FYB1: variants seen among roughly 807,000 people sequenced by gnomAD.
The protein encoded by FYB1 is FYN binding protein 1.
Under a neutral mutation model 94.1 loss-of-function variants are expected in FYB1, and 41 were observed. The ratio of observed to expected loss-of-function variants is 0.44; its 90% CI spans 0.34 to 0.57. The LOEUF is 0.57. Ranked by LOEUF, FYB1 falls within the 20% of genes least tolerant of loss-of-function variation. The pLI is 0.02. For synonymous variants in FYB1, 367 were observed against 353.2 expected (o/e 1.04, Z -0.44); for missense variants, 1,050 against 976.8 (o/e 1.07, Z -1.00).
chr5:39,214,012 G>C (rs1230589956), intron 1 of FYB1, among the ~76,000 whole-genome samples: 1 of 151,996 alleles, frequency 6.6e-6, no homozygotes, highest in Non-Finnish European at 1.5e-5. Context: ...AGTGAAAAAA[G>C]TGTTAACATC....
chr5:39,142,597 C>T (rs1742288617), intron 3 of FYB1, among the ~76,000 whole-genome samples: 1 of 152,172 alleles, frequency 6.6e-6, no homozygotes, highest in South Asian at 2.1e-4. Context: ...CAAGTTACTG[C>T]CATTCATAAG....
chr5:39,262,647 C>A (rs1489639298), intron 1 of FYB1, among the ~76,000 whole-genome samples: 1 of 152,062 alleles, frequency 6.6e-6, no homozygotes, highest in African/African-American at 2.4e-5. Flanking sequence ...TCATCTACCA[C>A]TGTTTGAAAT....
At chr5:39,184,018 T>C (rs769365215) in intron 2 of FYB1, among the ~76,000 whole-genome samples, 1 of 152,194 alleles carries the variant, frequency 6.6e-6, no homozygotes, top group Non-Finnish European at 1.5e-5. Context: ...TTTGAGATGA[T>C]AAAAATTTAT....
chr5:39,145,151 T>G (rs6877536), intron 3 of FYB1, among the ~76,000 whole-genome samples: 11,423 of 152,236 alleles, frequency 0.075, 1,382 homozygotes, highest in African/African-American at 0.25. Context: ...CTGCCTTTTA[T>G]ATGCTTAACA....
At chr5:39,248,289 G>T (rs1751571807) in intron 1 of FYB1, among the ~76,000 whole-genome samples, 1 of 152,140 alleles carries the variant, frequency 6.6e-6, no homozygotes, top group African/African-American at 2.4e-5. Flanking sequence ...TTTAGGGACT[G>T]GTTGGTGGAG....
At chr5:39,264,449 T>A (rs904297509) in intron 1 of FYB1, among the ~76,000 whole-genome samples, 5 of 152,220 alleles carry the variant, frequency 3.3e-5, no homozygotes, top group African/African-American at 1.2e-4. Context: ...TGTTTTGCTA[T>A]GGCAGCCCAA....
intron 18 of FYB1, among the ~76,000 whole-genome samples, chr5:39,107,922 C>T (rs1470944995): frequency 1.3e-5 from 2 of 151,856 alleles, no homozygotes; most frequent in African/African-American, 2.4e-5. Context: ...TATTTATTTG[C>T]CAAAAATGTT....
At chr5:39,261,796 T>C (rs2111638043) in intron 1 of FYB1, among the ~76,000 whole-genome samples, 1 of 152,246 alleles carries the variant, frequency 6.6e-6, no homozygotes, top group African/African-American at 2.4e-5. Context: ...TGGAATTTTA[T>C]GAACTATATT....
upstream of FYB1, among the ~76,000 whole-genome samples, chr5:39,222,843 T>G (rs907124760): frequency 6.6e-6 from 1 of 152,158 alleles, no homozygotes; most frequent in African/African-American, 2.4e-5. Flanking sequence ...ATTATTTGAT[T>G]ACAACAAGAT....
At chr5:39,246,705 T>C (rs746759010) in intron 1 of FYB1, among the ~76,000 whole-genome samples, 3 of 152,280 alleles carry the variant, frequency 2.0e-5, no homozygotes, top group African/African-American at 4.8e-5. Flanking sequence ...CAATGTGTAG[T>C]ATACCTAGAT....
chr5:39,151,923 T>A (rs1743285908), intron 3 of FYB1, among the ~76,000 whole-genome samples: 1 of 152,234 alleles, frequency 6.6e-6, no homozygotes, highest in Non-Finnish European at 1.5e-5. Context: ...TCATGTGAAA[T>A]ATAAACTTTT....
chr5:39,271,812 C>G (rs1039126337), intron 1 of FYB1, among the ~76,000 whole-genome samples: 1 of 152,066 alleles, frequency 6.6e-6, no homozygotes, highest in Non-Finnish European at 1.5e-5. Context: ...GGTGGATGGT[C>G]AGGAATCTGA....
At chr5:39,133,997 A>G (rs901043511) in intron 9 of FYB1, among the ~76,000 whole-genome samples, 6 of 152,182 alleles carry the variant, frequency 3.9e-5, no homozygotes, top group Admixed American at 1.3e-4. Context: ...GGCCCACTAT[A>G]TTTCAAGTAG....
intron 1 of FYB1, among the ~76,000 whole-genome samples, chr5:39,229,202 T>C (rs1030630734): frequency 2.0e-5 from 3 of 152,136 alleles, no homozygotes; most frequent in Non-Finnish European, 4.4e-5. Flanking sequence ...TGATACTCCC[T>C]TACTAAAGGA....
chr5:39,121,440 A>G lies in FYB1; in HGVS notation c.2138+896T>C, dbSNP rs1740090123. 1.3e-5 allele frequency among the ~76,000 whole-genome samples: 2 copies of G among 152,142 alleles called. 1 individual carries two copies. Among genetic ancestry groups the G allele is most frequent in the South Asian group, 4.1e-4 (2 of 4,828 alleles). ...CTCTCTAGTTCAATAAAATTAGTTT[A>G]ACAATTTTGGTAAAAAATAAATACT... On this transcript the variant is annotated intron_variant, in intron 14 of 18. Coordinates refer to ENST00000512982, the MANE Select transcript of FYB1 (RefSeq NM_001465.6).
chr5:39,143,719 T>C (rs1484646828), intron 3 of FYB1, among the ~76,000 whole-genome samples: 2 of 152,180 alleles, frequency 1.3e-5, no homozygotes, highest in African/African-American at 4.8e-5. Context: ...ACTAAAACCA[T>C]AAAATGGGCT....
chr5:39,202,406 T>A lies in FYB1; in HGVS notation c.555A>T (p.Gln185His). The A allele has an allele frequency of 6.2e-7, 1 of 1,613,632 alleles. No individual in the cohort carries two copies. Among genetic ancestry groups the A allele is most frequent in the Non-Finnish European group, 8.5e-7 (1 of 1,179,768 alleles). Residue 185 changes from glutamine (Q) to histidine (H), a missense_variant, in exon 2 of 19, where the codon CAA (glutamine) becomes CAT (histidine). Gln to His is a conservative substitution (Grantham distance 24). Transcript: ENST00000512982. Reference protein sequence around the residue: ...GVKGKFMSASQDLEPKPLFPK... With the variant: ...GVKGKFMSASHDLEPKPLFPK... ...GGAAGAGGGGCTTGGGTTCAAGATC[T>A]TGTGATGCTGACATAAATTTCCCTT...
Position 39,127,450 on chromosome 5 carries a change from C to CAA in FYB1, c.1907+289_1907+290dup, listed in dbSNP as rs34709432. Among the ~76,000 whole-genome samples, 2,347 of 65,712 alleles carry CAA rather than the reference C, an allele frequency of 0.036. 113 individuals carry two copies. The highest frequency in any genetic ancestry group is 0.15 in the East Asian group (437 of 2,836). 43.1% of individuals were successfully genotyped at this position (65,712 alleles called of 152,430 possible). On this transcript the variant is annotated intron_variant, in intron 11 of 18. Coordinates refer to ENST00000512982, the MANE Select transcript of FYB1 (RefSeq NM_001465.6). ...TGGGCGACAGAGTGAGACTCTGTCT[C>CAA]AAAAAAAAAAAAAAAAAAAAAAATA... is the stretch of plus-strand genomic sequence containing the variant.
At chr5:39,164,707 G>C (rs1744564732) in intron 2 of FYB1, among the ~76,000 whole-genome samples, 1 of 152,148 alleles carries the variant, frequency 6.6e-6, no homozygotes, top group Non-Finnish European at 1.5e-5. Context: ...GAGCCACCAT[G>C]ACTGGCCTGT....
Sources: allele counts gnomAD v4.1 joint callset (sites outside exome capture counted in the v4.1 genomes callset), GRCh38; gene constraint gnomAD v4.1.1; transcripts MANE v1.5; gene names NCBI Gene and HGNC (gene_info 2026-07-23, HGNC 2026-07-21).